The following TTC9 variants were observed in gnomAD, a reference collection of about 807,000 sequenced individuals.
TTC9 encodes tetratricopeptide repeat domain 9, also known as tetratricopeptide repeat protein 9A.
Under a neutral mutation model 22.9 loss-of-function variants are expected in TTC9, and 13 were observed. The observed-to-expected ratio is 0.57, with a 90% CI of 0.37 to 0.90. TTC9 has a LOEUF of 0.90. Among genes scored for constraint, TTC9 ranks in the 40% least tolerant of loss-of-function variants. TTC9 has a pLI of 0.01. For synonymous variants in TTC9, 148 were observed against 133.2 expected, an observed-to-expected ratio of 1.11 and a Z score of -0.77; for missense variants, 280 against 291.8, an observed-to-expected ratio of 0.96 and a Z score of 0.29.
In TTC9 at chr14:70,675,140, T is replaced by G. The variant is rs1160473242; in HGVS notation, c.*3985T>G. The G allele has an allele frequency of 6.6e-6, 1 of 152,238 alleles. No homozygotes were observed. The highest frequency in any genetic ancestry group is 1.5e-5 in the Non-Finnish European group (1 of 68,042). The allele number at this position is 152,238 out of a possible 1,614,324, so 9.4% of individuals were successfully genotyped here. On this transcript the variant is annotated 3_prime_UTR_variant, in exon 3 of 3. Transcript: ENST00000256367. ...GTATGTCAATGTTATTTTAACTTTC[T>G]TTGATTCTTCGCGAATAACATTTTC... is the stretch of plus-strand genomic sequence containing the variant.
chr14:70,668,352 C>T lies in TTC9; in HGVS notation c.589+606C>T, dbSNP rs144438574. 3.5e-4 allele frequency among the ~76,000 whole-genome samples: 54 copies of T among 152,158 alleles called. No homozygotes were observed. The East Asian group carries it at 0.01, about 29-fold the overall frequency. On this transcript the variant is annotated intron_variant, in intron 2 of 2. Coordinates refer to ENST00000256367, the MANE Select transcript of TTC9 (RefSeq NM_015351.2). ...GTAGTGAACAAAAGAAAGTTGTTGC[C>T]TTCAAAGAGCTTATATTATAATGGC...
intron 1 of TTC9, among the ~76,000 whole-genome samples, chr14:70,665,562 C>T (rs976515315): frequency 6.6e-6 from 1 of 152,174 alleles, no homozygotes; most frequent in African/African-American, 2.4e-5. Context: ...GGGTTAGCAG[C>T]CTGTTGCTTC....
At chr14:70,665,211 C>T (rs1475985601) in intron 1 of TTC9, among the ~76,000 whole-genome samples, 2 of 152,110 alleles carry the variant, frequency 1.3e-5, no homozygotes, top group Non-Finnish European at 2.9e-5. Context: ...GCTGCTAGGC[C>T]CGGTCAGAGA....
chr14:70,642,092 A>T lies in TTC9; in HGVS notation c.-38A>T. On this transcript the variant is annotated 5_prime_UTR_variant, in exon 1 of 3. Transcript: ENST00000256367. The stretch of plus-strand genomic sequence containing the variant: ...CGCGGCGGCGGCGGCGGCGGCGGGC[A>T]GATCGCGGCGCGCACCAGGCGCCGG... 1.9e-6 allele frequency: 2 copies of T among 1,053,724 alleles called. No individual in the cohort carries two copies. The highest frequency in any genetic ancestry group is 2.3e-6 in the Non-Finnish European group (2 of 876,376). The allele number at this position is 1,053,724 out of a possible 1,614,324, so 65.3% of individuals were successfully genotyped here. A position where few individuals can be genotyped will look rare whatever the true frequency, so the allele number is the denominator to read the frequency against.
At position 70,642,289 on chromosome 14, in the gene TTC9, AT is replaced by A; in HGVS notation, c.161del (p.Ile54ThrfsTer24). On this transcript the variant is annotated frameshift_variant, in exon 1 of 3. Coordinates refer to ENST00000256367, the MANE Select transcript of TTC9 (RefSeq NM_015351.2). LOFTEE classifies it high-confidence loss of function. ...VGAAAEPAEL[I>X]RRAHEFKSQG... Reference sequence around the variant, plus strand: ...GGCGGCGGCCGAGCCGGCCGAGCTCATCCGACGAGCGCACGAGTTCAAAAGC... The same window carrying A: ...GGCGGCGGCCGAGCCGGCCGAGCTCACCGACGAGCGCACGAGTTCAAAAGC... 6.5e-7 allele frequency: 1 copy of A among 1,531,724 alleles called. No individual in the cohort carries two copies. Among genetic ancestry groups the A allele is most frequent in the Non-Finnish European group, 8.8e-7 (1 of 1,139,318 alleles). The allele number at this position is 1,531,724 out of a possible 1,614,324, so 94.9% of individuals were successfully genotyped here.
At chr14:70,643,510 T>C (rs1885858876) in intron 1 of TTC9, among the ~76,000 whole-genome samples, 1 of 152,200 alleles carries the variant, frequency 6.6e-6, no homozygotes, top group African/African-American at 2.4e-5. Flanking sequence ...GGTGAGATTC[T>C]GGCATGGTCA....
At chr14:70,643,377 G>T (rs184025656) in intron 1 of TTC9, among the ~76,000 whole-genome samples, 1 of 152,160 alleles carries the variant, frequency 6.6e-6, no homozygotes, top group Non-Finnish European at 1.5e-5. Flanking sequence ...TTAGGCGCAG[G>T]AATATTTAAA....
rs1323612738 is a variant in TTC9, at chr14:70,673,664, T to A, written c.*2509T>A. 1 of 134,158 alleles carries A rather than the reference T, an allele frequency of 7.5e-6. No individual in the cohort carries two copies. Among genetic ancestry groups the A allele is most frequent in the Non-Finnish European group, 1.5e-5 (1 of 65,734 alleles). The allele number at this position is 134,158 out of a possible 1,614,324, so 8.3% of individuals were successfully genotyped here. ...AGGATCTGAAGGATGAAGAGAAGGG[T>A]AGAGGTCACCTGGAGAATGAGTTCA... On this transcript the variant is annotated 3_prime_UTR_variant, in exon 3 of 3. Coordinates refer to ENST00000256367, the MANE Select transcript of TTC9 (RefSeq NM_015351.2).
chr14:70,654,311 C>G (rs1376493169), intron 1 of TTC9, among the ~76,000 whole-genome samples: 2 of 151,954 alleles, frequency 1.3e-5, no homozygotes, highest in African/African-American at 2.4e-5. Context: ...TAGTTTCTGC[C>G]CGGGAGTGGT....
chr14:70,642,598 C>T (rs2139635870), intron 1 of TTC9, 63 bp downstream of exon 1: 2 of 1,426,478 alleles, frequency 1.4e-6, no homozygotes, highest in South Asian at 1.3e-5. Context: ...CTCCGCGGAC[C>T]ACTGCGGCGC....
chr14:70,651,713 G>A (rs1372274635), intron 1 of TTC9, among the ~76,000 whole-genome samples: 3 of 152,184 alleles, frequency 2.0e-5, no homozygotes, highest in Admixed American at 6.5e-5. Flanking sequence ...AGAGAGTTGA[G>A]TCAGCACTTG....
chr14:70,647,689 G>C (rs1014467794), intron 1 of TTC9, among the ~76,000 whole-genome samples: 1 of 152,218 alleles, frequency 6.6e-6, no homozygotes, highest in Non-Finnish European at 1.5e-5. Flanking sequence ...GCAGCAGAGA[G>C]TGGTATTGTG....
At chr14:70,654,163 C>T (rs919021976) in intron 1 of TTC9, among the ~76,000 whole-genome samples, 5 of 152,108 alleles carry the variant, frequency 3.3e-5, no homozygotes, top group African/African-American at 1.2e-4. Context: ...CAGAACAGTG[C>T]CCCATGAAGA....
In TTC9 at chr14:70,666,161, A is replaced by G. The variant is rs556224506; in HGVS notation, c.407-1403A>G. On this transcript the variant is annotated intron_variant, in intron 1 of 2. Transcript: ENST00000256367. ...GGAGGTGCCTAGGGCACGAAATTTC[A>G]ATCATTCTTCAAGGCCATTTAGTCA... Among the ~76,000 whole-genome samples, 426 of 152,132 alleles carry G rather than the reference A, an allele frequency of 2.8e-3. 4 individuals are homozygous for G. Among genetic ancestry groups the G allele is most frequent in the Non-Finnish European group, 4.2e-3 (284 of 68,014 alleles).
chr14:70,658,429 A>G (rs1005093416), intron 1 of TTC9, among the ~76,000 whole-genome samples: 1 of 152,246 alleles, frequency 6.6e-6, no homozygotes, highest in African/African-American at 2.4e-5. Flanking sequence ...GAATGTAGCT[A>G]TGAAAAATAA....
At chr14:70,648,117 G>A (rs1885929502) in intron 1 of TTC9, among the ~76,000 whole-genome samples, 1 of 152,186 alleles carries the variant, frequency 6.6e-6, no homozygotes, top group African/African-American at 2.4e-5. Context: ...GTCAAAAGAA[G>A]GGAAAAGAAT....
At chr14:70,659,134 A>ACACACACG (rs1886109618) in intron 1 of TTC9, among the ~76,000 whole-genome samples, 1 of 103,250 alleles carries the variant, frequency 9.7e-6, no homozygotes, top group South Asian at 3.7e-4. Context: ...ACACACACGC[A>ACACACACG]CACACACACA....
chr14:70,673,912 T>C lies in TTC9; in HGVS notation c.*2757T>C. ...TAGAACAAGCGTCCAGGTCATCTGC[T>C]TGTTTGGTGACTTAGATATACAGGC... On this transcript the variant is annotated 3_prime_UTR_variant, in exon 3 of 3. Transcript: ENST00000256367. 1 of 152,210 alleles carries C rather than the reference T, an allele frequency of 6.6e-6. No homozygotes were observed. The highest frequency in any genetic ancestry group is 1.5e-5 in the Non-Finnish European group (1 of 68,010). The allele number at this position is 152,210 out of a possible 1,614,324, so 9.4% of individuals were successfully genotyped here. A position where few individuals can be genotyped will look rare whatever the true frequency, so the allele number is the denominator to read the frequency against.
At chr14:70,648,445 T>C (rs1006447547) in intron 1 of TTC9, among the ~76,000 whole-genome samples, 1 of 152,244 alleles carries the variant, frequency 6.6e-6, no homozygotes, top group Admixed American at 6.5e-5. Context: ...CCAGGAACTC[T>C]TTAGGACATC....
Sources: allele counts gnomAD v4.1 joint callset (sites outside exome capture counted in the v4.1 genomes callset), GRCh38; gene constraint gnomAD v4.1.1; transcripts MANE v1.5; gene names NCBI Gene and HGNC (gene_info 2026-07-23, HGNC 2026-07-21).